The following COL6A5 variants were observed in gnomAD, a reference collection of about 807,000 sequenced individuals.
COL6A5 encodes collagen type VI alpha 5 chain.
COL6A5 carries 48 observed loss-of-function variants against 65.6 expected under a neutral mutation model. That is an observed-to-expected ratio of 0.73 (90% CI 0.58 to 0.93). The LOEUF (loss-of-function observed/expected upper bound fraction) is 0.93, where lower values mean the gene tolerates loss of function less well. Ranked by LOEUF, COL6A5 falls within the 40% of genes least tolerant of loss-of-function variation. COL6A5 has a pLI of 0.00. For synonymous variants in COL6A5, 291 were observed against 322.8 expected (o/e 0.90, Z 1.05); for missense variants, 914 against 928.3 (o/e 0.98, Z 0.20).
chr3:130,403,941 A>G (rs1936901194), intron 13 of COL6A5, among the ~76,000 whole-genome samples: 1 of 152,060 alleles, frequency 6.6e-6, no homozygotes, highest in Non-Finnish European at 1.5e-5. Context: ...AGTTTGGGGT[A>G]AGGAGGGAAC....
At chr3:130,379,722 C>A (rs76775308) in exon 4 of COL6A5, 1 of 1,551,360 alleles carries the variant, frequency 6.4e-7, no homozygotes, top group Non-Finnish European at 8.7e-7. Flanking sequence ...TGAGAAGAGA[C>A]GGCTTCTCAG....
chr3:130,448,483 C>T (rs933223385), intron 4 of COL6A5, among the ~76,000 whole-genome samples: 2 of 152,134 alleles, frequency 1.3e-5, no homozygotes, highest in African/African-American at 4.8e-5. Context: ...TTTAAAGAAT[C>T]TCTCCTAATT....
chr3:130,392,168 A>C (rs770612317), intron 7 of COL6A5, among the ~76,000 whole-genome samples: 15 of 152,174 alleles, frequency 9.9e-5, no homozygotes, highest in Non-Finnish European at 2.1e-4. Context: ...GTTTAAATGG[A>C]TAGACTTTTG....
At chr3:130,447,115 A>C (rs1709324965) in intron 4 of COL6A5, among the ~76,000 whole-genome samples, 1 of 152,166 alleles carries the variant, frequency 6.6e-6, no homozygotes, top group Admixed American at 6.5e-5. Context: ...AGCCTTACTA[A>C]CATATCCAGC....
chr3:130,387,942 A>G (rs1009203750), intron 5 of COL6A5, among the ~76,000 whole-genome samples: 1 of 151,830 alleles, frequency 6.6e-6, no homozygotes. Flanking sequence ...ATATGTATAT[A>G]TATATATACG....
intron 5 of COL6A5, 94 bp from the exon 38 acceptor site, chr3:130,468,701 G>C (rs993890631): frequency 1.2e-6 from 1 of 805,468 alleles, no homozygotes; most frequent in Admixed American, 2.7e-5. Context: ...ATGCAGCATG[G>C]TAATAACCTC....
intron 4 of COL6A5, among the ~76,000 whole-genome samples, chr3:130,444,232 C>T (rs1709255188): frequency 6.6e-6 from 1 of 152,070 alleles, no homozygotes; most frequent in Admixed American, 6.6e-5. Context: ...TGTTCAAACA[C>T]ACATGCTCTA....
In COL6A5 at chr3:130,484,080, A is replaced by C. The variant is rs371745659; in HGVS notation, c.*39A>C. The C allele has an allele frequency of 9.4e-6, 15 of 1,600,770 alleles. No homozygotes were observed. The Admixed American group carries it at 1.9e-4, about 20-fold the overall frequency. Reference sequence around the variant, plus strand: ...TCATAGGAGAAAAGAAGATAGCTCCACTGACATGTATAATCCCATGTGGTT... The same window carrying C: ...TCATAGGAGAAAAGAAGATAGCTCCCCTGACATGTATAATCCCATGTGGTT... On this transcript the variant is annotated 3_prime_UTR_variant, in exon 8 of 8. Coordinates refer to ENST00000512836, the Ensembl canonical transcript of COL6A5.
At chr3:130,444,129 G>A (rs187788435) in intron 4 of COL6A5, among the ~76,000 whole-genome samples, 7 of 152,194 alleles carry the variant, frequency 4.6e-5, no homozygotes, top group South Asian at 2.1e-4. Flanking sequence ...TTTTCCACCC[G>A]GCTCACCAGC....
intron 1 of COL6A5, among the ~76,000 whole-genome samples, chr3:130,364,719 G>A (rs1421133550): frequency 6.6e-6 from 1 of 152,194 alleles, no homozygotes; most frequent in Non-Finnish European, 1.5e-5. Flanking sequence ...GGTGCAAAGG[G>A]ACTAGGAATT....
chr3:130,380,532 T>C (rs998309238), intron 4 of COL6A5, among the ~76,000 whole-genome samples: 4 of 152,078 alleles, frequency 2.6e-5, no homozygotes, highest in African/African-American at 9.7e-5. Context: ...GATACCACAT[T>C]GTATGTATCA....
exon 8 of COL6A5, chr3:130,484,221 G>C: frequency 1.6e-6 from 1 of 613,196 alleles, no homozygotes; most frequent in Non-Finnish European, 2.7e-6. Context: ...ATCTTGAGGA[G>C]AAGAATTTTC....
rs1577459676 is a variant in COL6A5, at chr3:130,391,359, T to C, written c.2597T>C (p.Phe866Ser). ...TACTCTGACCAACCTAACATCCTTTTCTACCTTAATACATACTCGAACAGA... is the reference window on the plus strand; with the variant it reads ...TACTCTGACCAACCTAACATCCTTTCCTACCTTAATACATACTCGAACAGA... Residue 866 changes from phenylalanine (F) to serine (S), a missense_variant and NMD_transcript_variant, in exon 7 of 42, where the codon TTC becomes TCC. Physicochemically the swap from Phe to Ser is radical, Grantham distance 155. Transcript: ENST00000312481. 2 of 1,551,702 alleles carry C rather than the reference T, an allele frequency of 1.3e-6. No individual in the cohort carries two copies. Among genetic ancestry groups the C allele is most frequent in the South Asian group, 1.2e-5 (1 of 84,068 alleles).
intron 7 of COL6A5, among the ~76,000 whole-genome samples, chr3:130,483,728 T>C (rs949816112): frequency 7.9e-5 from 12 of 152,170 alleles, no homozygotes; most frequent in African/African-American, 2.9e-4. Context: ...ACCTTGATAT[T>C]GTCTATTGCA....
At chr3:130,404,811 A>AATT (rs1250641750) in intron 13 of COL6A5, among the ~76,000 whole-genome samples, 1 of 152,238 alleles carries the variant, frequency 6.6e-6, no homozygotes, top group Non-Finnish European at 1.5e-5. Context: ...GCAAGGCAAG[A>AATT]ATTAAGCTCA....
At chr3:130,475,031 GGAAAAGAAAA>G (rs137971001) in intron 7 of COL6A5, among the ~76,000 whole-genome samples, 6 of 113,292 alleles carry the variant, frequency 5.3e-5, no homozygotes, top group Non-Finnish European at 1.0e-4. Context: ...AAAAAAAAAA[GGAAAAGAAAA>G]GAAAAGAAAA....
intron 13 of COL6A5, among the ~76,000 whole-genome samples, chr3:130,404,188 C>A (rs2198389): frequency 0.015 from 2,299 of 152,306 alleles, 52 homozygotes; most frequent in East Asian, 0.085. Flanking sequence ...AAATGCTACA[C>A]AGAGGTTTGC....
chr3:130,446,988 T>C (rs977837786), intron 4 of COL6A5, among the ~76,000 whole-genome samples: 1 of 152,132 alleles, frequency 6.6e-6, no homozygotes, highest in Non-Finnish European at 1.5e-5. Context: ...GTTCAGACTG[T>C]TTGGACAATT....
intron 7 of COL6A5, among the ~76,000 whole-genome samples, chr3:130,479,136 G>A (rs554492622): frequency 9.2e-5 from 14 of 152,046 alleles, no homozygotes; most frequent in Middle Eastern, 3.4e-3. Context: ...TAAGTCGTGG[G>A]GGTGGATCCC....
Sources: allele counts gnomAD v4.1 joint callset (sites outside exome capture counted in the v4.1 genomes callset), GRCh38; gene constraint gnomAD v4.1.1; transcripts MANE v1.5; gene names NCBI Gene and HGNC (gene_info 2026-07-23, HGNC 2026-07-21).